APPL1: variants seen among roughly 807,000 people sequenced by gnomAD.
APPL1 encodes DCC-interacting protein 13-alpha.
APPL1 carries 42 observed loss-of-function variants against 106.8 expected under a neutral mutation model. That is an observed-to-expected ratio of 0.39 (90% confidence interval 0.31 to 0.51). APPL1 has a LOEUF of 0.51. Among genes scored for constraint, APPL1 ranks in the 20% least tolerant of loss-of-function variants. APPL1 has a pLI of 0.75. For synonymous variants in APPL1, 263 were observed against 281.8 expected (o/e 0.93, Z 0.67); for missense variants, 769 against 858.2 (o/e 0.90, Z 1.30).
Position 57,248,259 on chromosome 3 carries a change from C to T in APPL1, c.771C>T (p.Ala257=). Reference sequence around the variant, plus strand: ...AGACAATAGAGGATTTGGAAGTAGCCAGTGATCCCTTATATGTGCCTGACC... The same window carrying T: ...AGACAATAGAGGATTTGGAAGTAGCTAGTGATCCCTTATATGTGCCTGACC... ...MQQTIEDLEV[A]SDPLYVPDPD... Residue 257 remains alanine, a synonymous_variant, in exon 10 of 22, where the codon GCC becomes GCT. Coordinates refer to ENST00000288266, the MANE Select transcript of APPL1 (RefSeq NM_012096.3). 6.2e-7 allele frequency: 1 copy of T among 1,614,116 alleles called. No homozygotes were observed. The highest frequency in any genetic ancestry group is 8.5e-7 in the Non-Finnish European group (1 of 1,180,018).
intron 11 of APPL1, among the ~76,000 whole-genome samples, chr3:57,251,473 C>G (rs1200406424): frequency 4.1e-5 from 6 of 147,454 alleles, no homozygotes; most frequent in East Asian, 2.0e-4. Context: ...TGCAGTGAGC[C>G]GAGATCGCGC....
intron 9 of APPL1, 138 bp from the exon 10 acceptor site, chr3:57,248,055 A>T: frequency 1.3e-6 from 1 of 767,544 alleles, no homozygotes; most frequent in Non-Finnish European, 2.0e-6. Flanking sequence ...TTTAAAATAT[A>T]TTCGTGTTGT....
chr3:57,258,848 A>C, intron 15 of APPL1, 180 bp from the exon 16 acceptor site: 1 of 513,648 alleles, frequency 1.9e-6, no homozygotes, highest in South Asian at 3.1e-5. Flanking sequence ...TTGATCAGTT[A>C]GTGTGTGAGG....
At chr3:57,248,093 C>G (rs1472836806) in intron 9 of APPL1, 100 bp from the exon 10 acceptor site, 4 of 1,298,288 alleles carry the variant, frequency 3.1e-6, no homozygotes, top group Non-Finnish European at 3.1e-6. Flanking sequence ...CTCTTCCTCT[C>G]TTTAAGAAAA....
intron 15 of APPL1, chr3:57,258,814 T>C (rs1464318808): frequency 7.3e-6 from 3 of 408,330 alleles, no homozygotes; most frequent in African/African-American, 6.2e-5. Context: ...CCAATTCATC[T>C]GTGTCTTCTA....
chr3:57,259,447 AGTT>A (rs1014124163), intron 16 of APPL1, among the ~76,000 whole-genome samples: 17 of 151,762 alleles, frequency 1.1e-4, no homozygotes, highest in African/African-American at 3.6e-4. Flanking sequence ...AAGAACCACC[AGTT>A]GTTGTGTGTT....
chr3:57,259,376 A>G (rs1477748107), intron 16 of APPL1, among the ~76,000 whole-genome samples: 1 of 152,182 alleles, frequency 6.6e-6, no homozygotes, highest in African/African-American at 2.4e-5. Context: ...GTACTGGAGC[A>G]TAAATTTTGT....
chr3:57,238,409 A>G (rs149411596), intron 4 of APPL1, among the ~76,000 whole-genome samples: 101 of 152,358 alleles, frequency 6.6e-4, no homozygotes, highest in Admixed American at 2.4e-3. Context: ...AGTGAACTGC[A>G]TCTGGGTTCT....
chr3:57,269,730 T>G lies in APPL1; in HGVS notation c.*43T>G. On this transcript the variant is annotated 3_prime_UTR_variant, in exon 22 of 22. Coordinates refer to ENST00000288266, the MANE Select transcript of APPL1 (RefSeq NM_012096.3). The stretch of plus-strand genomic sequence containing the variant: ...ATATTCCCCCTTGGAATTTGACAGT[T>G]TCTATGGTGAAATGGCAGAAGGTAA... The G allele has an allele frequency of 6.3e-7, 1 of 1,598,938 alleles. No individual in the cohort carries two copies. The highest frequency in any genetic ancestry group is 1.1e-5 in the South Asian group (1 of 89,764).
In APPL1 at chr3:57,269,661, G is replaced by A. The variant is rs1431007825; in HGVS notation, c.2104G>A (p.Gly702Arg). 6.2e-7 allele frequency: 1 copy of A among 1,613,912 alleles called. No homozygotes were observed. Among genetic ancestry groups the A allele is most frequent in the East Asian group, 2.2e-5 (1 of 44,858 alleles). The change falls in exon 22 of 22, where the codon GGA (glycine) becomes AGA (arginine). Residue 702 changes from glycine to arginine, a missense_variant. By Grantham distance (125) the Gly-to-Arg change is moderately radical. Transcript: ENST00000288266. ...AGAAGAGAGTGATTTGGGAGAAGGA[G>A]GAAAGAAGAGAGAATCAGAAGCATA... The part of the protein sequence containing the change: ...QSEESDLGEG[G>R]KKRESEA
chr3:57,257,770 A>T (rs2060845349), intron 15 of APPL1, among the ~76,000 whole-genome samples: 1 of 152,192 alleles, frequency 6.6e-6, no homozygotes, highest in Non-Finnish European at 1.5e-5. Context: ...AATACATGTG[A>T]TATAGGTTTA....
intron 13 of APPL1, among the ~76,000 whole-genome samples, chr3:57,253,997 A>G (rs1173764042): frequency 2.3e-4 from 35 of 151,862 alleles, no homozygotes; most frequent in African/African-American, 7.5e-4. Flanking sequence ...CCAGTAGCTG[A>G]GATTACAGGC....
Position 57,273,410 on chromosome 3 carries a change from G to T in APPL1, c.*3723G>T, listed in dbSNP as rs2060960762. 1 of 152,576 alleles carries T rather than the reference G, an allele frequency of 6.6e-6. No individual in the cohort carries two copies. The highest frequency in any genetic ancestry group is 1.5e-5 in the Non-Finnish European group (1 of 68,022). 9.5% of individuals were successfully genotyped at this position (152,576 alleles called of 1,614,324 possible). A position where few individuals can be genotyped will look rare whatever the true frequency, so the allele number is the denominator to read the frequency against. On this transcript the variant is annotated 3_prime_UTR_variant, in exon 22 of 22. Transcript: ENST00000288266. The stretch of plus-strand genomic sequence containing the variant: ...CTGACAAGGCTTCAGGAAAAAAGTT[G>T]TTAGAAGATTTTTTAATGTATAATA...
intron 1 of APPL1, 30 bp from the exon 2 acceptor site, chr3:57,235,536 A>G (rs1185182518): frequency 7.1e-7 from 1 of 1,407,340 alleles, no homozygotes; most frequent in East Asian, 2.3e-5. Flanking sequence ...ATAATGATTA[A>G]CATAAACTTA....
chr3:57,260,690 T>C lies in APPL1; in HGVS notation c.1758T>C (p.Phe586=). ...THQENKRLFG[F]VLRTSSGRSE... ...AGGAAAATAAGCGCCTTTTTGGATT[T>C]GTTCTTCGGACATCAAGCGGGAGAA... The change falls in exon 19 of 22, where the codon TTT becomes TTC. Residue 586 remains phenylalanine (F), a synonymous_variant. Coordinates refer to ENST00000288266, the MANE Select transcript of APPL1 (RefSeq NM_012096.3). 3 of 1,613,150 alleles carry C rather than the reference T, an allele frequency of 1.9e-6. No homozygotes were observed. The highest frequency in any genetic ancestry group is 2.5e-6 in the Non-Finnish European group (3 of 1,179,406).
chr3:57,227,848 A>T lies in APPL1; in HGVS notation c.-36A>T. On this transcript the variant is annotated 5_prime_UTR_variant, in exon 1 of 22. Coordinates refer to ENST00000288266, the MANE Select transcript of APPL1 (RefSeq NM_012096.3). ...GCCGGCGCGGGGAGCTGTGGGCGGC[A>T]GCTGCGTCTCCTGCCACCGCCCTCC... 1 of 1,443,948 alleles carries T rather than the reference A, an allele frequency of 6.9e-7. No homozygotes were observed. Among genetic ancestry groups the T allele is most frequent in the Non-Finnish European group, 9.1e-7 (1 of 1,093,822 alleles). The allele number at this position is 1,443,948 out of a possible 1,614,324, so 89.4% of individuals were successfully genotyped here.
chr3:57,233,367 A>T (rs2107595895), intron 1 of APPL1, among the ~76,000 whole-genome samples: 1 of 152,308 alleles, frequency 6.6e-6, no homozygotes, highest in East Asian at 1.9e-4. Flanking sequence ...TGATATTGTT[A>T]GCTTAAAATA....
intron 21 of APPL1, 43 bp from the exon 22 acceptor site, chr3:57,269,494 TTGAC>T: frequency 6.2e-7 from 1 of 1,604,370 alleles, no homozygotes; most frequent in South Asian, 1.1e-5. Context: ...AATTTGCCAT[TTGAC>T]TGCAGACAAG....
chr3:57,269,343 C>CTAT (rs2060918613), intron 21 of APPL1, 198 bp from the exon 22 acceptor site: 1 of 484,686 alleles, frequency 2.1e-6, no homozygotes, highest in Non-Finnish European at 3.6e-6. Flanking sequence ...AGTTTGAATG[C>CTAT]TGGCTTTTAT....
Sources: allele counts gnomAD v4.1 joint callset (sites outside exome capture counted in the v4.1 genomes callset), GRCh38; gene constraint gnomAD v4.1.1; transcripts MANE v1.5; gene names NCBI Gene and HGNC (gene_info 2026-07-23, HGNC 2026-07-21).